FHIT: variants seen among roughly 807,000 people sequenced by gnomAD.
FHIT encodes bis(5'-adenosyl)-triphosphatase.
In FHIT, 19 loss-of-function variants were observed where a neutral mutation model predicts 17.9. That is an observed-to-expected ratio of 1.06 (90% CI 0.74 to 1.56). The LOEUF is 1.56. FHIT is among the 40% of genes most tolerant of loss of function. FHIT has a pLI of 0.00. For synonymous variants in FHIT, 81 were observed against 69.7 expected, an observed-to-expected ratio of 1.16 and a Z score of -0.81; for missense variants, 248 against 189.2, an observed-to-expected ratio of 1.31 and a Z score of -1.82.
At chr3:60,347,681 G>GC (rs1232147445) in intron 5 of FHIT, among the ~76,000 whole-genome samples, 1 of 144,606 alleles carries the variant, frequency 6.9e-6, no homozygotes, top group African/African-American at 2.5e-5. Flanking sequence ...GGTTTGGGGG[G>GC]GGGGGGGGTT....
At chr3:61,249,916 C>T (rs2040571933) in intron 1 of FHIT, among the ~76,000 whole-genome samples, 1 of 143,188 alleles carries the variant, frequency 7.0e-6, no homozygotes, top group Admixed American at 7.0e-5. Flanking sequence ...CTTAGAACAG[C>T]ATATGCAATC....
In FHIT at chr3:61,068,753, A is replaced by G. The variant is rs141159590; in HGVS notation, c.-163-26654T>C. Among the ~76,000 whole-genome samples the G allele has an allele frequency of 1.6e-3, 241 of 152,268 alleles. 1 individual carries two copies. Among genetic ancestry groups the G allele is most frequent in the African/African-American group, 5.5e-3 (229 of 41,550 alleles). ...TTTGAGAACCACCAATATAGAAAAT[A>G]AGAGAACCAGAAGACTCTTCCACAA... is the stretch of plus-strand genomic sequence containing the variant. On this transcript the variant is annotated intron_variant, in intron 2 of 9. Coordinates refer to ENST00000492590, the MANE Select transcript of FHIT (RefSeq NM_002012.4).
chr3:60,362,590 A>G (rs1699948530), intron 5 of FHIT, among the ~76,000 whole-genome samples: 1 of 152,230 alleles, frequency 6.6e-6, no homozygotes, highest in African/African-American at 2.4e-5. Context: ...TCAGCAAATT[A>G]AATCATCAAC....
At chr3:59,752,992 C>T (rs566040430) in intron 8 of FHIT, among the ~76,000 whole-genome samples, 2 of 152,208 alleles carry the variant, frequency 1.3e-5, no homozygotes, top group South Asian at 2.1e-4. Context: ...CCAGAATCTC[C>T]CCCACACTCT....
chr3:60,436,917 C>G lies in FHIT; in HGVS notation c.103+99943G>C, dbSNP rs1003593672. Among the ~76,000 whole-genome samples the G allele has an allele frequency of 2.0e-5, 3 of 152,104 alleles. No individual in the cohort carries two copies. The South Asian group carries it at 6.2e-4, about 32-fold the overall frequency. ...TGAGGTTCTTTTAACTACCCATCTA[C>G]TTCACAAAATGTTTTGCTGTGAATT... is the stretch of plus-strand genomic sequence containing the variant. On this transcript the variant is annotated intron_variant, in intron 5 of 9. Coordinates refer to ENST00000492590, the MANE Select transcript of FHIT (RefSeq NM_002012.4).
At chr3:59,754,091 C>T (rs146277543) in intron 8 of FHIT, among the ~76,000 whole-genome samples, 6 of 152,262 alleles carry the variant, frequency 3.9e-5, no homozygotes, top group Non-Finnish European at 2.9e-5. Context: ...TCTACCCTGG[C>T]AGCTTGCAGC....
At chr3:60,814,994 G>C (rs2364295) in intron 4 of FHIT, among the ~76,000 whole-genome samples, 13,625 of 150,606 alleles carry the variant, frequency 0.09, 665 homozygotes, top group African/African-American at 0.11. Flanking sequence ...CTGATGATTA[G>C]GGACAATGAG....
At chr3:59,974,259 A>G (rs2107399750) in intron 7 of FHIT, among the ~76,000 whole-genome samples, 1 of 152,286 alleles carries the variant, frequency 6.6e-6, no homozygotes, top group East Asian at 1.9e-4. Flanking sequence ...TAATAAAAGA[A>G]AAGCCGTGTT....
At chr3:60,781,583 G>T (rs1448759581) in intron 4 of FHIT, among the ~76,000 whole-genome samples, 3 of 152,166 alleles carry the variant, frequency 2.0e-5, no homozygotes, top group Non-Finnish European at 4.4e-5. Context: ...TACATTTATA[G>T]TCACTTGACC....
At chr3:60,988,997 TAG>T (rs2029929414) in intron 3 of FHIT, among the ~76,000 whole-genome samples, 1 of 124,174 alleles carries the variant, frequency 8.1e-6, no homozygotes, top group Non-Finnish European at 1.6e-5. Context: ...GGTAACTGAG[TAG>T]AGACAGGACA....
chr3:61,145,719 A>G (rs1392043344), intron 2 of FHIT, among the ~76,000 whole-genome samples: 2 of 151,492 alleles, frequency 1.3e-5, no homozygotes, highest in Admixed American at 1.3e-4. Context: ...TAGTTTTCAC[A>G]TCTTATACTT....
chr3:59,764,123 C>T (rs1701673248), intron 8 of FHIT, among the ~76,000 whole-genome samples: 1 of 152,202 alleles, frequency 6.6e-6, no homozygotes, highest in Non-Finnish European at 1.5e-5. Context: ...CTTACTGGGT[C>T]TCTCACACAC....
At chr3:60,047,596 A>T (rs1701704348) in intron 5 of FHIT, among the ~76,000 whole-genome samples, 1 of 152,222 alleles carries the variant, frequency 6.6e-6, no homozygotes, top group Non-Finnish European at 1.5e-5. Context: ...CTGGTTCCTC[A>T]GGTGCATTAG....
intron 5 of FHIT, among the ~76,000 whole-genome samples, chr3:60,077,720 A>ACT (rs1188823911): frequency 9.9e-6 from 1 of 101,280 alleles, no homozygotes; most frequent in Non-Finnish European, 2.0e-5. Flanking sequence ...ACACACACAC[A>ACT]CACACACACA....
chr3:60,564,800 G>A (rs2037075059), intron 4 of FHIT, among the ~76,000 whole-genome samples: 1 of 152,142 alleles, frequency 6.6e-6, no homozygotes, highest in Admixed American at 6.6e-5. Context: ...TGAAGATGAT[G>A]TGAACATTGT....
intron 8 of FHIT, among the ~76,000 whole-genome samples, chr3:59,761,878 G>C (rs540206690): frequency 1.3e-5 from 2 of 152,254 alleles, no homozygotes; most frequent in East Asian, 3.9e-4. Context: ...TTGTAGGTGT[G>C]AGCCACCGCG....
intron 2 of FHIT, among the ~76,000 whole-genome samples, chr3:61,189,665 G>T (rs1223453531): frequency 5.9e-5 from 9 of 152,092 alleles, no homozygotes; most frequent in South Asian, 4.2e-4. Context: ...GAGGCATCAC[G>T]CTACCTGACT....
intron 4 of FHIT, among the ~76,000 whole-genome samples, chr3:60,707,707 T>C (rs1412755764): frequency 1.3e-5 from 2 of 152,192 alleles, no homozygotes; most frequent in African/African-American, 2.4e-5. Context: ...TAACATATCA[T>C]TTTTATCCTA....
At chr3:59,980,467 C>T (rs1708604134) in intron 7 of FHIT, among the ~76,000 whole-genome samples, 1 of 152,208 alleles carries the variant, frequency 6.6e-6, no homozygotes, top group Non-Finnish European at 1.5e-5. Context: ...AATTAGCCCT[C>T]ATTCTACAGT....
Sources: gnomAD v4.1 joint callset for allele counts (sites outside exome capture counted in the v4.1 genomes callset) on GRCh38, gnomAD v4.1.1 for gene constraint, MANE v1.5 for transcripts, NCBI Gene and HGNC (gene_info 2026-07-23, HGNC 2026-07-21) for gene names.